The following CALD1 variants were observed in gnomAD, a reference collection of about 807,000 sequenced individuals.
The protein encoded by CALD1 is caldesmon.
In CALD1, 33 loss-of-function variants were observed where a neutral mutation model predicts 99.9. That is an observed-to-expected ratio of 0.33 (90% confidence interval 0.25 to 0.44). The LOEUF (loss-of-function observed/expected upper bound fraction) is 0.44. Among genes scored for constraint, CALD1 ranks in the 20% least tolerant of loss-of-function variants. The pLI is 1.00. For missense variants in CALD1, 861 were observed against 962.1 expected (o/e 0.89, Z 1.39); for synonymous variants, 310 against 325.0 (o/e 0.95, Z 0.50).
intron 14 of CALD1, among the ~76,000 whole-genome samples, chr7:134,966,029 G>A (rs527640743): frequency 6.6e-6 from 1 of 152,220 alleles, no homozygotes; most frequent in Admixed American, 6.5e-5. Context: ...GGTACAATGA[G>A]CTCATTCAAC....
At chr7:134,755,908 AT>A (rs1796723537) in intron 1 of CALD1, among the ~76,000 whole-genome samples, 2 of 152,186 alleles carry the variant, frequency 1.3e-5, no homozygotes, top group Non-Finnish European at 2.9e-5. Context: ...TATTTAATCT[AT>A]CTGGAAATGA....
At chr7:134,790,555 A>G (rs777105583) in intron 1 of CALD1, among the ~76,000 whole-genome samples, 4 of 152,230 alleles carry the variant, frequency 2.6e-5, no homozygotes, top group Non-Finnish European at 5.9e-5. Flanking sequence ...CTGCAGTTCA[A>G]CTAGACAAGC....
At chr7:134,877,315 C>G (rs1362328333) in intron 3 of CALD1, among the ~76,000 whole-genome samples, 1 of 152,102 alleles carries the variant, frequency 6.6e-6, no homozygotes, top group East Asian at 1.9e-4. Context: ...TCTGTTTTAG[C>G]AGCTACCTTG....
chr7:134,829,480 TA>T, intron 1 of CALD1, among the ~76,000 whole-genome samples: 1 of 152,332 alleles, frequency 6.6e-6, no homozygotes, highest in Admixed American at 6.5e-5. Context: ...AAGTAAGAAG[TA>T]TGCCTTTGTC....
upstream of CALD1, among the ~76,000 whole-genome samples, chr7:134,777,982 G>A (rs1248484275): frequency 6.6e-6 from 1 of 152,192 alleles, no homozygotes; most frequent in African/African-American, 2.4e-5. Flanking sequence ...ACAAATGCCT[G>A]CTTGTGCCAC....
At chr7:134,799,574 T>A (rs996637658) in intron 1 of CALD1, among the ~76,000 whole-genome samples, 3 of 152,190 alleles carry the variant, frequency 2.0e-5, no homozygotes, top group Admixed American at 6.5e-5. Flanking sequence ...TTTCTACAGG[T>A]GTGGCTCTGC....
At chr7:134,883,665 T>G (rs1801712158) in intron 3 of CALD1, among the ~76,000 whole-genome samples, 1 of 152,256 alleles carries the variant, frequency 6.6e-6, no homozygotes, top group African/African-American at 2.4e-5. Flanking sequence ...ATCTCCTGCC[T>G]TAGGCTACCA....
intron 9 of CALD1, among the ~76,000 whole-genome samples, chr7:134,956,747 G>A (rs1028920290): frequency 2.0e-5 from 3 of 152,316 alleles, no homozygotes; most frequent in African/African-American, 7.2e-5. Flanking sequence ...TGACTGTCCT[G>A]AACAGGGAAG....
At chr7:134,734,343 T>A in the CALD1 span, among the ~76,000 whole-genome samples, 1 of 106,298 alleles carries the variant, frequency 9.4e-6, no homozygotes, top group Non-Finnish European at 1.9e-5. Flanking sequence ...ACTGTGGTTT[T>A]TGTTTTTTGG....
chr7:134,749,101 G>T (rs2084909), intron 1 of CALD1, among the ~76,000 whole-genome samples: 88,210 of 152,062 alleles, frequency 0.58, 26,451 homozygotes, highest in East Asian at 0.84. Context: ...TTATAGTATT[G>T]TGTTGTGGCA....
intron 4 of CALD1, 107 bp from the exon 5 acceptor site, chr7:134,932,880 CT>C (rs1396976737): frequency 5.7e-6 from 4 of 699,368 alleles, no homozygotes; most frequent in African/African-American, 1.8e-5. Context: ...TATGGGCAAG[CT>C]TGGCACTACT....
chr7:134,736,244 T>C, the CALD1 span, among the ~76,000 whole-genome samples: 1 of 152,170 alleles, frequency 6.6e-6, no homozygotes, highest in Non-Finnish European at 1.5e-5. Flanking sequence ...AGAATAAGTG[T>C]ATTATAACTG....
chr7:134,764,472 T>C (rs1031196862), intron 1 of CALD1, among the ~76,000 whole-genome samples: 1 of 152,226 alleles, frequency 6.6e-6, no homozygotes, highest in Non-Finnish European at 1.5e-5. Flanking sequence ...TTCACCACAA[T>C]GGCATTAGGG....
At chr7:134,888,036 C>G (rs1025759757) in intron 3 of CALD1, among the ~76,000 whole-genome samples, 1 of 152,214 alleles carries the variant, frequency 6.6e-6, no homozygotes, top group Non-Finnish European at 1.5e-5. Flanking sequence ...GTGGTCCGGT[C>G]TCCCACCTCC....
At chr7:134,869,747 G>A (rs1468364222) in intron 3 of CALD1, among the ~76,000 whole-genome samples, 1 of 152,190 alleles carries the variant, frequency 6.6e-6, no homozygotes, top group Non-Finnish European at 1.5e-5. Flanking sequence ...TTCAAAAAGG[G>A]AGAGAAATTA....
At chr7:134,932,758 A>G (rs1274778287) in intron 4 of CALD1, among the ~76,000 whole-genome samples, 1 of 152,170 alleles carries the variant, frequency 6.6e-6, no homozygotes, top group Admixed American at 6.5e-5. Flanking sequence ...GGACATTAAT[A>G]CCGAAAGCAC....
chr7:134,867,966 C>A, intron 3 of CALD1, 162 bp downstream of exon 3: 2 of 418,666 alleles, frequency 4.8e-6, no homozygotes, highest in Non-Finnish European at 4.4e-6. Flanking sequence ...CTAAATTAAG[C>A]ATTTAAAAAA....
intron 1 of CALD1, among the ~76,000 whole-genome samples, chr7:134,836,197 G>C (rs1799433730): frequency 7.0e-6 from 1 of 143,082 alleles, no homozygotes; most frequent in South Asian, 2.3e-4. Context: ...CCCTTGCTCA[G>C]ATGTCCATCC....
At chr7:134,773,807 T>C (rs1796896109) in intron 1 of CALD1, among the ~76,000 whole-genome samples, 1 of 151,686 alleles carries the variant, frequency 6.6e-6, no homozygotes, top group South Asian at 2.1e-4. Flanking sequence ...TGTGTGTGTG[T>C]GTGTGTGTGT....
Sources: allele counts gnomAD v4.1 joint callset (sites outside exome capture counted in the v4.1 genomes callset), GRCh38; gene constraint gnomAD v4.1.1; transcripts MANE v1.5; gene names NCBI Gene and HGNC (gene_info 2026-07-23, HGNC 2026-07-21).